The following MAP2K1 variants were observed in gnomAD, a reference collection of about 807,000 sequenced individuals.
MAP2K1 encodes mitogen-activated protein kinase kinase 1.
MAP2K1 carries 16 observed loss-of-function variants against 46.3 expected under a neutral mutation model. The observed-to-expected ratio is 0.35, with a 90% CI of 0.23 to 0.52. MAP2K1 has a LOEUF of 0.52. MAP2K1 is among the 20% of genes least tolerant of loss of function. MAP2K1 has a pLI of 0.94. For synonymous variants in MAP2K1, 183 were observed against 185.6 expected (o/e 0.99, Z 0.11); for missense variants, 263 against 497.1 (o/e 0.53, Z 4.48).
intron 3 of MAP2K1, among the ~76,000 whole-genome samples, chr15:66,439,251 G>A (rs1255416899): frequency 6.6e-6 from 1 of 152,216 alleles, no homozygotes; most frequent in African/African-American, 2.4e-5. Flanking sequence ...CCACATCCCA[G>A]CTTCTGAAGG....
intron 5 of MAP2K1, among the ~76,000 whole-genome samples, chr15:66,459,734 G>C (rs1179731060): frequency 6.6e-6 from 1 of 152,170 alleles, no homozygotes; most frequent in Non-Finnish European, 1.5e-5. Flanking sequence ...GCAATGGTCA[G>C]GATTACAACC....
chr15:66,483,301 AC>A (rs887559354), intron 6 of MAP2K1, among the ~76,000 whole-genome samples: 1 of 148,940 alleles, frequency 6.7e-6, no homozygotes, highest in African/African-American at 2.5e-5. Flanking sequence ...CCACATCCCC[AC>A]CCCTCCCCTC....
At chr15:66,490,274 C>G in intron 10 of MAP2K1, 1 of 668,500 alleles carries the variant, frequency 1.5e-6, no homozygotes, top group Middle Eastern at 2.5e-4. Flanking sequence ...CCATACTGCA[C>G]GAGTAGGCTC....
chr15:66,452,916 A>G (rs766727399), intron 5 of MAP2K1, among the ~76,000 whole-genome samples: 1 of 152,238 alleles, frequency 6.6e-6, no homozygotes, highest in Non-Finnish European at 1.5e-5. Flanking sequence ...AAATCTGGGA[A>G]CATGTCTAAT....
intron 1 of MAP2K1, among the ~76,000 whole-genome samples, chr15:66,402,592 G>A (rs1004711783): frequency 6.6e-6 from 1 of 152,070 alleles, no homozygotes; most frequent in Admixed American, 6.6e-5. Flanking sequence ...GGGTATTATA[G>A]TTTCTTAATA....
Position 66,474,546 on chromosome 15 carries a change from C to T in MAP2K1, c.569-7209C>T, listed in dbSNP as rs75260631. Among the ~76,000 whole-genome samples the T allele has an allele frequency of 4.4e-3, 675 of 152,286 alleles. 4 individuals are homozygous for T. The highest frequency in any genetic ancestry group is 0.015 in the African/African-American group (624 of 41,544). Reference sequence around the variant, plus strand: ...TCTGTAATGTGAATGATTCCTTCCCCGGCCACAGCTCAATAAGGGCTCTTG... The same window carrying T: ...TCTGTAATGTGAATGATTCCTTCCCTGGCCACAGCTCAATAAGGGCTCTTG... On this transcript the variant is annotated intron_variant, in intron 5 of 10. Coordinates refer to ENST00000307102, the MANE Select transcript of MAP2K1 (RefSeq NM_002755.4).
intron 1 of MAP2K1, among the ~76,000 whole-genome samples, chr15:66,434,124 C>T (rs1165605266): frequency 6.6e-6 from 1 of 152,152 alleles, no homozygotes; most frequent in Non-Finnish European, 1.5e-5. Context: ...AATGTAGCTG[C>T]AAATGAAGTG....
intron 5 of MAP2K1, among the ~76,000 whole-genome samples, chr15:66,455,174 C>G (rs1013280187): frequency 6.6e-6 from 1 of 152,172 alleles, no homozygotes; most frequent in African/African-American, 2.4e-5. Flanking sequence ...ATGCAGATAT[C>G]AAGGGGACAG....
intron 1 of MAP2K1, among the ~76,000 whole-genome samples, chr15:66,428,298 G>A (rs1304173223): frequency 1.3e-5 from 2 of 148,294 alleles, no homozygotes; most frequent in African/African-American, 4.9e-5. Context: ...GTGTGTGTGT[G>A]TGTGTGTGTG....
At chr15:66,460,899 C>G (rs1017067327) in intron 5 of MAP2K1, among the ~76,000 whole-genome samples, 2 of 151,984 alleles carry the variant, frequency 1.3e-5, no homozygotes, top group African/African-American at 2.4e-5. Flanking sequence ...TGGCCTTGGC[C>G]CTTCCTGGGG....
chr15:66,387,234 C>CG lies in MAP2K1; in HGVS notation c.-110dup, dbSNP rs922065244. ...GGGGCGCACCCGCTGAAGGCAGCCC[C>CG]GGGGCCCGCGGCCCGGACTTGGTCC... On this transcript the variant is annotated 5_prime_UTR_variant, in exon 1 of 11. Transcript: ENST00000307102. 3.5e-5 allele frequency: 30 copies of CG among 854,828 alleles called. No homozygotes were observed. The highest frequency in any genetic ancestry group is 4.8e-5 in the Non-Finnish European group (27 of 559,384). 53.0% of individuals were successfully genotyped at this position (854,828 alleles called of 1,614,324 possible).
chr15:66,422,490 A>G (rs985784853), intron 1 of MAP2K1, among the ~76,000 whole-genome samples: 9 of 152,224 alleles, frequency 5.9e-5, no homozygotes, highest in African/African-American at 1.4e-4. Flanking sequence ...TGAGTGGAAT[A>G]TGATATTCCT....
intron 6 of MAP2K1, among the ~76,000 whole-genome samples, chr15:66,483,524 A>G (rs1457970727): frequency 6.6e-6 from 1 of 152,182 alleles, no homozygotes; most frequent in Non-Finnish European, 1.5e-5. Context: ...CCAGTGTTGG[A>G]GTTAGTGAAA....
chr15:66,483,265 G>A (rs1892955770), intron 6 of MAP2K1, among the ~76,000 whole-genome samples: 1 of 152,118 alleles, frequency 6.6e-6, no homozygotes, highest in African/African-American at 2.4e-5. Context: ...TCCAGCCACT[G>A]TCAACATCAC....
intron 1 of MAP2K1, among the ~76,000 whole-genome samples, chr15:66,405,877 C>T (rs753676929): frequency 4.7e-4 from 71 of 152,292 alleles, no homozygotes; most frequent in Non-Finnish European, 1.5e-4. Context: ...TCCTACCAAG[C>T]GCTTTGTAAT....
Position 66,440,080 on chromosome 15 carries a change from G to A in MAP2K1, c.438+3188G>A, listed in dbSNP as rs369978435. ...TTCTCCGATCAATTTTGGGGGGCGCGTGGGGTTCTGTTTTTGTTTGTTTGT... is the reference window on the plus strand; with the variant it reads ...TTCTCCGATCAATTTTGGGGGGCGCATGGGGTTCTGTTTTTGTTTGTTTGT... On this transcript the variant is annotated intron_variant, in intron 3 of 10. Coordinates refer to ENST00000307102, the MANE Select transcript of MAP2K1 (RefSeq NM_002755.4). Among the ~76,000 whole-genome samples the A allele has an allele frequency of 8.0e-5, 12 of 149,852 alleles. No homozygotes were observed. In the East Asian group the frequency reaches 1.7e-3, roughly 22 times the overall value.
In MAP2K1 at chr15:66,432,959, AGTGT is replaced by A. The variant is rs1164509967; in HGVS notation, c.81-2029_81-2026del. On this transcript the variant is annotated intron_variant, in intron 1 of 10. Transcript: ENST00000307102. ...CTCCTTCCATTCCCCCATCATGCAC[AGTGT>A]GTGTGTGTGTGTGTGTGTGTGTGTG... Among the ~76,000 whole-genome samples, 1,275 of 131,972 alleles carry A rather than the reference AGTGT, an allele frequency of 9.7e-3. 10 individuals are homozygous for A. Among genetic ancestry groups the A allele is most frequent in the Admixed American group, 0.016 (200 of 12,834 alleles). The allele number at this position is 131,972 out of a possible 152,430, so 86.6% of individuals were successfully genotyped here.
chr15:66,490,600 T>C lies in MAP2K1; in HGVS notation c.1167T>C (p.His389=), dbSNP rs751868729. ...IGLNQPSTPT[H]AAGV ...TTAACCAGCCCAGCACACCAACCCATGCTGCTGGCGTCTAAGTGTTTGGGA... is the reference window on the plus strand; with the variant it reads ...TTAACCAGCCCAGCACACCAACCCACGCTGCTGGCGTCTAAGTGTTTGGGA... The change falls in exon 11 of 11, where the codon CAT becomes CAC. Residue 389 remains histidine, a synonymous_variant. Coordinates refer to ENST00000307102, the MANE Select transcript of MAP2K1 (RefSeq NM_002755.4). 2 of 1,614,058 alleles carry C rather than the reference T, an allele frequency of 1.2e-6. No individual in the cohort carries two copies. The highest frequency in any genetic ancestry group is 1.3e-5 in the African/African-American group (1 of 75,046).
rs1892920121 is a variant in MAP2K1, at chr15:66,481,766, T to TAG, written c.580_581insAG (p.Ser194Ter). Residue 194 changes from serine (S) to a stop codon, truncating the protein, a stop_gained and frameshift_variant, in exon 6 of 11, where the codon TCC becomes TAGCC. Coordinates refer to ENST00000307102, the MANE Select transcript of MAP2K1 (RefSeq NM_002755.4). LOFTEE classifies it high-confidence loss of function. ...HKIMHRDVKPSNILVNSRGEI... is the reference protein window; with the variant it reads ...HKIMHRDVKP ...TCTCTTCCCTGCAGATGTCAAGCCC[T>TAG]CCAACATCCTAGTCAACTCCCGTGG... The TAG allele has an allele frequency of 6.2e-7, 1 of 1,612,682 alleles. No homozygotes were observed. The highest frequency in any genetic ancestry group is 1.3e-5 in the African/African-American group (1 of 74,870).
Sources: gnomAD v4.1 joint callset for allele counts (sites outside exome capture counted in the v4.1 genomes callset) on GRCh38, gnomAD v4.1.1 for gene constraint, MANE v1.5 for transcripts, NCBI Gene and HGNC (gene_info 2026-07-23, HGNC 2026-07-21) for gene names.